CCDC144A: variants seen among roughly 807,000 people sequenced by gnomAD.
The protein encoded by CCDC144A is coiled-coil domain containing 144A.
Under a neutral mutation model 143.8 loss-of-function variants are expected in CCDC144A, and 41 were observed. That is an observed-to-expected ratio of 0.29 (90% confidence interval 0.22 to 0.37). The LOEUF is 0.37. Among genes scored for constraint, CCDC144A ranks in the 10% least tolerant of loss-of-function variants. CCDC144A has a pLI of 1.00. For missense variants in CCDC144A, 637 were observed against 1,488.8 expected (o/e 0.43, Z 9.41); for synonymous variants, 242 against 517.9 (o/e 0.47, Z 7.23).
chr17:16,720,173 A>G (rs1383716474), intron 6 of CCDC144A, 25 bp from the exon 7 acceptor site: 3 of 1,511,568 alleles, frequency 2.0e-6, no homozygotes, highest in Non-Finnish European at 2.7e-6. Context: ...CTATTTTTCT[A>G]AAAGGAATTG....
the CCDC144A span, among the ~76,000 whole-genome samples, chr17:16,676,110 G>C: frequency 6.6e-6 from 1 of 152,002 alleles, no homozygotes; most frequent in Non-Finnish European, 1.5e-5. Flanking sequence ...ATTGCATACT[G>C]TGATTGCTTT....
At chr17:16,689,992 C>T, upstream of CCDC144A, 1 of 156,918 alleles carries the variant, frequency 6.4e-6, no homozygotes, top group Non-Finnish European at 1.4e-5. Context: ...GACCAGCCAG[C>T]CCAGGTTGGC....
chr17:16,718,834 T>C (rs971966797), intron 6 of CCDC144A, among the ~76,000 whole-genome samples: 1 of 121,172 alleles, frequency 8.3e-6, no homozygotes, highest in African/African-American at 3.6e-5. Context: ...TATAAAGTGT[T>C]TTTTTTTTTT....
At chr17:16,718,487 T>G (rs923079796) in intron 6 of CCDC144A, among the ~76,000 whole-genome samples, 2 of 152,206 alleles carry the variant, frequency 1.3e-5, no homozygotes, top group Non-Finnish European at 2.9e-5. Flanking sequence ...CTTAAAGTGT[T>G]TATTCACGTA....
chr17:16,718,941 C>T (rs1473079206), intron 6 of CCDC144A, among the ~76,000 whole-genome samples: 2 of 130,972 alleles, frequency 1.5e-5, no homozygotes, highest in Non-Finnish European at 3.1e-5. Context: ...AGGCGATTCT[C>T]CTGTCTCAGC....
chr17:16,675,888 G>A, the CCDC144A span, among the ~76,000 whole-genome samples: 2 of 150,856 alleles, frequency 1.3e-5, no homozygotes, highest in Non-Finnish European at 1.5e-5. Context: ...GACTACAGGC[G>A]CCCGCCACCA....
chr17:16,673,471 C>T, the CCDC144A span, among the ~76,000 whole-genome samples: 3,525 of 151,490 alleles, frequency 0.023, 78 homozygotes, highest in Middle Eastern at 0.038. Context: ...ACCGCAACCT[C>T]TGCCCCCTGG....
intron 12 of CCDC144A, chr17:16,745,923 C>G (rs1256509598): frequency 6.2e-7 from 1 of 1,603,896 alleles, no homozygotes; most frequent in Non-Finnish European, 8.5e-7. Flanking sequence ...CTCACTCCTT[C>G]TGGAAAGCCG....
At chr17:16,687,702 G>A (rs1428227969), upstream of CCDC144A, among the ~76,000 whole-genome samples, 5 of 152,230 alleles carry the variant, frequency 3.3e-5, no homozygotes, top group East Asian at 7.7e-4. Context: ...TCCAGCAATA[G>A]TTCTCATTCT....
At chr17:16,675,334 G>A in the CCDC144A span, among the ~76,000 whole-genome samples, 1 of 150,806 alleles carries the variant, frequency 6.6e-6, no homozygotes, top group Non-Finnish European at 1.5e-5. Context: ...AGTATTCAGG[G>A]ATAAAGAGAG....
In CCDC144A at chr17:16,697,371, G is replaced by A. The variant is rs1911477231; in HGVS notation, c.415+4322G>A. Among the ~76,000 whole-genome samples, 4 of 152,240 alleles carry A rather than the reference G, an allele frequency of 2.6e-5. No individual in the cohort carries two copies. The South Asian group carries it at 6.2e-4, about 24-fold the overall frequency. On this transcript the variant is annotated intron_variant, in intron 2 of 16. Coordinates refer to ENST00000399273, the MANE Select transcript of CCDC144A (RefSeq NM_001382000.1). ...AAGCAAATATACATGACTGAGCTCC[G>A]GTAAAACTTTATTTACAAAACTATA...
At chr17:16,745,766 T>G in intron 12 of CCDC144A, 2 of 1,613,346 alleles carry the variant, frequency 1.2e-6, no homozygotes, top group South Asian at 2.2e-5. Flanking sequence ...GGTCCTTGTT[T>G]GCCAGTCGCT....
At chr17:16,696,633 CAA>C (rs536770820) in intron 2 of CCDC144A, among the ~76,000 whole-genome samples, 23 of 71,774 alleles carry the variant, frequency 3.2e-4, no homozygotes, top group Non-Finnish European at 4.5e-4. Flanking sequence ...GACTCTGTCT[CAA>C]AAAAAAAAAA....
At chr17:16,667,502 G>A in the CCDC144A span, among the ~76,000 whole-genome samples, 3 of 152,150 alleles carry the variant, frequency 2.0e-5, no homozygotes, top group Non-Finnish European at 2.9e-5. Flanking sequence ...GCTGAAGGGC[G>A]GGCAGCGTGC....
At chr17:16,742,557 T>A (rs1477698191) in intron 12 of CCDC144A, among the ~76,000 whole-genome samples, 1 of 152,106 alleles carries the variant, frequency 6.6e-6, no homozygotes, top group Non-Finnish European at 1.5e-5. Flanking sequence ...ATATGCTGAT[T>A]TTCTTTCTTT....
intron 8 of CCDC144A, among the ~76,000 whole-genome samples, chr17:16,721,208 G>T (rs1913073858): frequency 6.6e-6 from 1 of 151,992 alleles, no homozygotes; most frequent in Non-Finnish European, 1.5e-5. Flanking sequence ...AGGTATAACT[G>T]ATATGTGATA....
chr17:16,737,429 G>T (rs1284240403), intron 12 of CCDC144A: 7 of 1,169,930 alleles, frequency 6.0e-6, no homozygotes, highest in Non-Finnish European at 7.7e-6. Flanking sequence ...GCCTCCCAAA[G>T]TGCTGGGATT....
intron 15 of CCDC144A, chr17:16,767,294 C>CAAAAAAAAA (rs765969718): frequency 4.2e-5 from 4 of 95,338 alleles, no homozygotes; most frequent in African/African-American, 4.5e-5. Context: ...GACTCCATCT[C>CAAAAAAAAA]AAAAAAAAAA....
intron 12 of CCDC144A, chr17:16,746,825 C>A: frequency 8.5e-7 from 1 of 1,170,892 alleles, no homozygotes; most frequent in South Asian, 1.3e-5. Flanking sequence ...AAAGGCACCG[C>A]GTACCGCGCT....
Sources: gnomAD v4.1 joint callset for allele counts (sites outside exome capture counted in the v4.1 genomes callset) on GRCh38, gnomAD v4.1.1 for gene constraint, MANE v1.5 for transcripts, NCBI Gene and HGNC (gene_info 2026-07-23, HGNC 2026-07-21) for gene names.